Variants in SEMA6D observed in about 807,000 individuals in gnomAD.
SEMA6D encodes semaphorin-6D.
Under a neutral mutation model 106.6 loss-of-function variants are expected in SEMA6D, and 35 were observed. The observed-to-expected ratio is 0.33, with a 90% CI of 0.25 to 0.44. The LOEUF is 0.44. Among genes scored for constraint, SEMA6D ranks in the 20% least tolerant of loss-of-function variants. The pLI, the probability that SEMA6D is intolerant of heterozygous loss-of-function variation, is 1.00. For synonymous variants in SEMA6D, 499 were observed against 487.7 expected (o/e 1.02, Z -0.31); for missense variants, 1,185 against 1,345.9 (o/e 0.88, Z 1.87).
At chr15:47,268,061 C>G (rs1242445181) in intron 1 of SEMA6D, among the ~76,000 whole-genome samples, 1 of 152,008 alleles carries the variant, frequency 6.6e-6, no homozygotes, top group African/African-American at 2.4e-5. Context: ...AATCAAAGAC[C>G]CCACCCAAGA....
intron 1 of SEMA6D, among the ~76,000 whole-genome samples, chr15:47,343,538 A>G (rs1426859474): frequency 2.6e-5 from 4 of 151,968 alleles, no homozygotes; most frequent in African/African-American, 9.7e-5. Flanking sequence ...TAGTTTGCTG[A>G]GAATGATGGT....
Position 47,704,231 on chromosome 15 carries a change from C to T in SEMA6D, c.-54-55514C>T, listed in dbSNP as rs1312945681. On this transcript the variant is annotated intron_variant, in intron 4 of 19. Transcript: ENST00000558014. Reference sequence around the variant, plus strand: ...AAACTCTTGAACTCAAGCAATGCTCCCTCCTCAGCCTCCCAAAGTACTGGG... The same window carrying T: ...AAACTCTTGAACTCAAGCAATGCTCTCTCCTCAGCCTCCCAAAGTACTGGG... 2.0e-5 allele frequency among the ~76,000 whole-genome samples: 3 copies of T among 152,172 alleles called. No homozygotes were observed. In the East Asian group the frequency reaches 5.8e-4, roughly 29 times the overall value.
chr15:47,465,708 CCTTT>C (rs2042637739), intron 2 of SEMA6D, among the ~76,000 whole-genome samples: 1 of 152,126 alleles, frequency 6.6e-6, no homozygotes, highest in African/African-American at 2.4e-5. Context: ...AGATGTGCCT[CCTTT>C]CTCTTTGCCT....
chr15:47,411,447 T>A (rs191610575), intron 1 of SEMA6D, among the ~76,000 whole-genome samples: 3 of 152,236 alleles, frequency 2.0e-5, no homozygotes, highest in East Asian at 1.9e-4. Flanking sequence ...TTCATTTTAT[T>A]GAAATACAGA....
intron 3 of SEMA6D, among the ~76,000 whole-genome samples, chr15:47,549,934 T>C (rs1324591840): frequency 6.6e-6 from 1 of 152,174 alleles, no homozygotes; most frequent in Non-Finnish European, 1.5e-5. Context: ...ACAAAGGTCA[T>C]TGGAAGTTGG....
chr15:47,610,913 A>G (rs1247406731), intron 4 of SEMA6D, among the ~76,000 whole-genome samples: 1 of 152,232 alleles, frequency 6.6e-6, no homozygotes, highest in African/African-American at 2.4e-5. Flanking sequence ...TATTTAAGGA[A>G]TGACTATATG....
At chr15:47,382,379 G>T (rs761071629) in intron 1 of SEMA6D, among the ~76,000 whole-genome samples, 1 of 151,990 alleles carries the variant, frequency 6.6e-6, no homozygotes, top group East Asian at 1.9e-4. Flanking sequence ...GCATGGTGGC[G>T]GGGGCCTGTA....
intron 13 of SEMA6D, chr15:47,765,461 AAG>A: frequency 1.0e-6 from 1 of 988,460 alleles, no homozygotes; most frequent in Non-Finnish European, 1.2e-6. Flanking sequence ...TTTAATAAGT[AAG>A]AGAATATTTA....
At chr15:47,658,597 A>C (rs1332471057) in intron 4 of SEMA6D, among the ~76,000 whole-genome samples, 1 of 152,182 alleles carries the variant, frequency 6.6e-6, no homozygotes, top group African/African-American at 2.4e-5. Flanking sequence ...ACTTGTGTCC[A>C]ATTTTGGTGT....
chr15:47,484,383 G>T (rs1296379163), intron 3 of SEMA6D, among the ~76,000 whole-genome samples: 3 of 152,062 alleles, frequency 2.0e-5, no homozygotes, highest in African/African-American at 7.2e-5. Context: ...TTCCTGTGTA[G>T]CATTATTAAA....
chr15:47,228,137 TAC>T (rs72361942), intron 1 of SEMA6D, among the ~76,000 whole-genome samples: 10,010 of 134,960 alleles, frequency 0.074, 1,199 homozygotes, highest in East Asian at 0.59. Context: ...TGTGTGTGTG[TAC>T]ACACACACAC....
intron 2 of SEMA6D, among the ~76,000 whole-genome samples, chr15:47,459,943 T>A (rs1470581734): frequency 2.6e-5 from 4 of 152,054 alleles, no homozygotes; most frequent in Admixed American, 2.6e-4. Flanking sequence ...TTCTTGAAAA[T>A]CAATTCCACT....
intron 1 of SEMA6D, among the ~76,000 whole-genome samples, chr15:47,223,679 G>A (rs2031409003): frequency 6.6e-6 from 1 of 151,964 alleles, no homozygotes; most frequent in African/African-American, 2.4e-5. Context: ...ATGTACCCCT[G>A]TCTTGCCAGC....
Position 47,764,895 on chromosome 15 carries a change from G to A in SEMA6D, c.1266G>A (p.Thr422=), listed in dbSNP as rs746940650. Residue 422 remains threonine (T), a synonymous_variant, in exon 13 of 19, where the codon ACG becomes ACA. Coordinates refer to ENST00000536845, the MANE Select transcript of SEMA6D (RefSeq NM_001358351.3). Reference sequence around the variant, plus strand: ...CCTCCTCTTGTAGGTACAGACTGACGGCCATCTCAGTGGACCATTCAGCCG... The same window carrying A: ...CCTCCTCTTGTAGGTACAGACTGACAGCCATCTCAGTGGACCATTCAGCCG... ...FTKTRVRYRL[T]AISVDHSAGP... is the part of the protein sequence containing the mutation. The A allele has an allele frequency of 2.6e-5, 42 of 1,613,666 alleles. No individual in the cohort carries two copies. Among genetic ancestry groups the A allele is most frequent in the South Asian group, 3.3e-5 (3 of 91,064 alleles).
rs77346213 is a variant in SEMA6D, at chr15:47,190,520, C to T, written c.-239+6102C>T. Among the ~76,000 whole-genome samples, 736 of 152,284 alleles carry T rather than the reference C, an allele frequency of 4.8e-3. 9 individuals carry two copies. Among genetic ancestry groups the T allele is most frequent in the African/African-American group, 0.017 (700 of 41,562 alleles). The stretch of plus-strand genomic sequence containing the variant: ...TTACAATGTATCTGCAATTCCCATA[C>T]TATGTTATTAGCTCCAAGTTTGGCC... On this transcript the variant is annotated intron_variant, in intron 1 of 19. Transcript: ENST00000558014.
intron 1 of SEMA6D, among the ~76,000 whole-genome samples, chr15:47,331,539 A>G (rs554779526): frequency 6.6e-6 from 1 of 152,324 alleles, no homozygotes; most frequent in East Asian, 1.9e-4. Context: ...CCTATAAAAT[A>G]TATACAGTGT....
intron 1 of SEMA6D, among the ~76,000 whole-genome samples, chr15:47,290,916 A>C (rs538168428): frequency 4.1e-4 from 62 of 152,364 alleles, no homozygotes; most frequent in African/African-American, 1.4e-3. Context: ...TGTATAATTC[A>C]GGTTCCTCTA....
chr15:47,690,334 T>C lies in SEMA6D; in HGVS notation c.-54-69411T>C, dbSNP rs146144028. Among the ~76,000 whole-genome samples the C allele has an allele frequency of 5.6e-4, 85 of 152,262 alleles. 1 individual carries two copies. The highest frequency in any genetic ancestry group is 1.8e-3 in the African/African-American group (75 of 41,536). On this transcript the variant is annotated intron_variant, in intron 4 of 19. Transcript: ENST00000558014. ...GATGGGAAAGGAATAGCATTTGACTTAGTCTTTAATGATAGATGGAAAAAA... is the reference window on the plus strand; with the variant it reads ...GATGGGAAAGGAATAGCATTTGACTCAGTCTTTAATGATAGATGGAAAAAA...
At position 47,295,154 on chromosome 15, in the gene SEMA6D, G is replaced by T. The variant is rs568757008; in HGVS notation, c.-239+110736G>T. On this transcript the variant is annotated intron_variant, in intron 1 of 19. Coordinates refer to the SEMA6D transcript ENST00000558014. ...TGTGTTTATTATCTGCAGCACATTTGTCAGCTGTAAAACAAAGGTAAATAC... is the reference window on the plus strand; with the variant it reads ...TGTGTTTATTATCTGCAGCACATTTTTCAGCTGTAAAACAAAGGTAAATAC... Among the ~76,000 whole-genome samples, 12 of 152,284 alleles carry T rather than the reference G, an allele frequency of 7.9e-5. No homozygotes were observed. In the South Asian group the frequency reaches 2.5e-3, roughly 32 times the overall value.
Sources: allele counts gnomAD v4.1 joint callset (sites outside exome capture counted in the v4.1 genomes callset), GRCh38; gene constraint gnomAD v4.1.1; transcripts MANE v1.5; gene names NCBI Gene and HGNC (gene_info 2026-07-23, HGNC 2026-07-21).